SLC19A2: variants seen among roughly 807,000 people sequenced by gnomAD.
SLC19A2 encodes the protein thiamine transporter 1.
Under a neutral mutation model 44.7 loss-of-function variants are expected in SLC19A2, and 27 were observed. That is an observed-to-expected ratio of 0.60 (90% CI 0.45 to 0.83). The LOEUF (loss-of-function observed/expected upper bound fraction) is 0.83. Ranked by LOEUF, SLC19A2 falls within the 40% of genes least tolerant of loss-of-function variation. SLC19A2 has a pLI of 0.00. For missense variants in SLC19A2, 566 were observed against 613.7 expected (o/e 0.92, Z 0.82); for synonymous variants, 239 against 243.6 (o/e 0.98, Z 0.18).
chr1:169,477,675 C>G lies in SLC19A2; in HGVS notation c.287G>C (p.Arg96Pro), dbSNP rs558617037. Residue 96 changes from arginine to proline, a missense_variant, in exon 2 of 6, where the codon CGT (arginine) becomes CCT (proline). Coordinates refer to ENST00000236137, the MANE Select transcript of SLC19A2 (RefSeq NM_006996.3). The part of the protein sequence containing the change: ...FPVFLATDYL[R>P]YKPVVLLQGL... ...CTGCAGTAGAACAACAGGTTTATAA[C>G]GGAGGTAGTCTGTGGCAAGGAACAC... 4 of 1,613,216 alleles carry G rather than the reference C, an allele frequency of 2.5e-6. No individual in the cohort carries two copies. The highest frequency in any genetic ancestry group is 1.6e-4 in the Middle Eastern group (1 of 6,062).
At chr1:169,472,967 G>T (rs1456729042) in intron 2 of SLC19A2, among the ~76,000 whole-genome samples, 1 of 152,168 alleles carries the variant, frequency 6.6e-6, no homozygotes, top group Non-Finnish European at 1.5e-5. Flanking sequence ...CCTTCACTGT[G>T]TTCCATGGAG....
intron 2 of SLC19A2, 30 bp from the exon 3 acceptor site, chr1:169,470,216 C>T (rs751680545): frequency 1.1e-5 from 18 of 1,590,290 alleles, no homozygotes; most frequent in Middle Eastern, 3.3e-4. Flanking sequence ...AATGCTCAAA[C>T]TCTGATGAAG....
At chr1:169,469,205 C>T in intron 3 of SLC19A2, 1 of 253,948 alleles carries the variant, frequency 3.9e-6, no homozygotes, top group Non-Finnish European at 7.6e-6. Context: ...AACCAAGGAG[C>T]AGTCTAGAAC....
At position 169,475,029 on chromosome 1, in the gene SLC19A2, T is replaced by G. The variant is rs1169715371; in HGVS notation, c.807+2126A>C. On this transcript the variant is annotated intron_variant, in intron 2 of 5. Transcript: ENST00000236137. ...ATTTGTACAATTCTGCATAAGTTGCTAATCTCTGATCCTAATCCTTATCTC... is the reference window on the plus strand; with the variant it reads ...ATTTGTACAATTCTGCATAAGTTGCGAATCTCTGATCCTAATCCTTATCTC... Among the ~76,000 whole-genome samples, 3 of 152,170 alleles carry G rather than the reference T, an allele frequency of 2.0e-5. No individual in the cohort carries two copies. The East Asian group carries it at 5.8e-4, about 29-fold the overall frequency.
At chr1:169,482,372 T>G (rs1658461865) in intron 1 of SLC19A2, among the ~76,000 whole-genome samples, 1 of 152,110 alleles carries the variant, frequency 6.6e-6, no homozygotes, top group African/African-American at 2.4e-5. Flanking sequence ...AAACCCCGAC[T>G]CTACTAAAAA....
chr1:169,483,791 C>A (rs1658493941), intron 1 of SLC19A2, among the ~76,000 whole-genome samples: 1 of 152,226 alleles, frequency 6.6e-6, no homozygotes, highest in Non-Finnish European at 1.5e-5. Context: ...GAAAGGCGCA[C>A]AAACTGTGCA....
intron 1 of SLC19A2, among the ~76,000 whole-genome samples, chr1:169,485,063 G>A (rs1196551547): frequency 1.3e-5 from 2 of 152,200 alleles, no homozygotes; most frequent in Non-Finnish European, 2.9e-5. Flanking sequence ...ACTTGATTAA[G>A]CCCACCCATT....
In SLC19A2 at chr1:169,470,033, C is replaced by T. The variant is rs140115461; in HGVS notation, c.961G>A (p.Glu321Lys). ...QVVNYTQGLWEKVMPSRYAAI... is the reference protein window; with the variant it reads ...QVVNYTQGLWKKVMPSRYAAI... The stretch of plus-strand genomic sequence containing the variant: ...GCATAGCGAGAAGGCATCACTTTCT[C>T]CCACAGGCCCTGTGTGTAGTTCACA... Residue 321 changes from glutamate (E) to lysine (K), a missense_variant, in exon 3 of 6, where the codon GAG becomes AAG. Coordinates refer to ENST00000236137, the MANE Select transcript of SLC19A2 (RefSeq NM_006996.3). The T allele has an allele frequency of 3.2e-5, 51 of 1,613,896 alleles. No homozygotes were observed. Among genetic ancestry groups the T allele is most frequent in the Non-Finnish European group, 4.2e-5 (49 of 1,179,948 alleles).
Position 169,464,817 on chromosome 1 carries a change from T to C in SLC19A2, c.*1032A>G, listed in dbSNP as rs1259272032. 3.9e-5 allele frequency: 6 copies of C among 152,704 alleles called. No individual in the cohort carries two copies. The South Asian group carries it at 6.2e-4, about 16-fold the overall frequency. The allele number at this position is 152,704 out of a possible 1,614,324, so 9.5% of individuals were successfully genotyped here. ...CCTAGTTCCTGTCCCATTGAAATAATTGAAAAGAGGCTCAGTTTATGAAAA... is the reference window on the plus strand; with the variant it reads ...CCTAGTTCCTGTCCCATTGAAATAACTGAAAAGAGGCTCAGTTTATGAAAA... On this transcript the variant is annotated 3_prime_UTR_variant, in exon 6 of 6. Coordinates refer to ENST00000236137, the MANE Select transcript of SLC19A2 (RefSeq NM_006996.3).
rs765261078 is a variant in SLC19A2, at chr1:169,477,311, AAAG to A, written c.648_650del (p.Phe217del). 3.7e-5 allele frequency: 59 copies of A among 1,614,186 alleles called. No individual in the cohort carries two copies. The highest frequency in any genetic ancestry group is 4.8e-5 in the Non-Finnish European group (57 of 1,180,030). On this transcript the variant is annotated inframe_deletion, in exon 2 of 6. Transcript: ENST00000236137. The stretch of plus-strand genomic sequence containing the variant: ...TCTGGCAGGTAGAAGGAATGTGGTG[AAAG>A]AAGAGGCTCTTCTGTGGCATAGGTA...
At chr1:169,478,341 T>C (rs1658374463) in intron 1 of SLC19A2, among the ~76,000 whole-genome samples, 1 of 151,754 alleles carries the variant, frequency 6.6e-6, no homozygotes, top group South Asian at 2.1e-4. Flanking sequence ...CAAACCCTTT[T>C]TTTTTTTTTG....
chr1:169,468,386 C>A, intron 4 of SLC19A2, 134 bp from the exon 5 acceptor site: 2 of 777,596 alleles, frequency 2.6e-6, no homozygotes, highest in Non-Finnish European at 4.0e-6. Context: ...CCTTTCCAAC[C>A]AAATGAAAAC....
In SLC19A2 at chr1:169,485,569, C is replaced by CTCGG; in HGVS notation, c.194_197dup (p.Glu66AspfsTer8). On this transcript the variant is annotated frameshift_variant, in exon 1 of 6. Coordinates refer to ENST00000236137, the MANE Select transcript of SLC19A2 (RefSeq NM_006996.3). LOFTEE classifies it high-confidence loss of function. ...CCGCGTCCGCCGCGCGTACCTCCCT[C>CTCGG]TCGGTCAGGTTCTTGTCCGGCCCCA... 1 of 1,585,546 alleles carries CTCGG rather than the reference C, an allele frequency of 6.3e-7. No individual in the cohort carries two copies. The highest frequency in any genetic ancestry group is 1.1e-5 in the South Asian group (1 of 87,018).
At position 169,470,027 on chromosome 1, in the gene SLC19A2, CT is replaced by C; in HGVS notation, c.966del (p.Val323Ter). ...VVNYTQGLWE[K>X]VMPSRYAAIY... is the part of the protein sequence containing the mutation. ...ATAGCAGCATAGCGAGAAGGCATCA[CT>C]TTCTCCCACAGGCCCTGTGTGTAGT... On this transcript the variant is annotated frameshift_variant, in exon 3 of 6. Coordinates refer to ENST00000236137, the MANE Select transcript of SLC19A2 (RefSeq NM_006996.3). LOFTEE classifies it high-confidence loss of function. 6.2e-7 allele frequency: 1 copy of C among 1,614,056 alleles called. No individual in the cohort carries two copies. The highest frequency in any genetic ancestry group is 8.5e-7 in the Non-Finnish European group (1 of 1,179,956).
At chr1:169,483,545 C>G (rs1658487970) in intron 1 of SLC19A2, among the ~76,000 whole-genome samples, 1 of 152,204 alleles carries the variant, frequency 6.6e-6, no homozygotes, top group Admixed American at 6.5e-5. Context: ...AAGAGAAGTA[C>G]ACTTATGTTT....
Position 169,479,771 on chromosome 1 carries a change from C to A in SLC19A2, c.205-2014G>T, listed in dbSNP as rs570681954. ...GGTAGTTTTGGTAAAAGGCTGAATA[C>A]TTTGTGATGAAGCAACCTAATCCCA... On this transcript the variant is annotated intron_variant, in intron 1 of 5. Coordinates refer to ENST00000236137, the MANE Select transcript of SLC19A2 (RefSeq NM_006996.3). Among the ~76,000 whole-genome samples, 6 of 152,294 alleles carry A rather than the reference C, an allele frequency of 3.9e-5. No homozygotes were observed. The South Asian group carries it at 1.2e-3, about 32-fold the overall frequency.
intron 5 of SLC19A2, among the ~76,000 whole-genome samples, chr1:169,467,551 G>A (rs1658065714): frequency 6.6e-6 from 1 of 152,136 alleles, no homozygotes; most frequent in Non-Finnish European, 1.5e-5. Flanking sequence ...AACTCACAAT[G>A]CATGAAGGCA....
At position 169,470,206 on chromosome 1, in the gene SLC19A2, A is replaced by G. The variant is rs200308986; in HGVS notation, c.808-20T>C. ...GGGTTCCTACATAGCAAAAGGGAAC[A>G]ATGCTCAAACTCTGATGAAGGCAAT... On this transcript the variant is annotated intron_variant, in intron 2 of 5. Transcript: ENST00000236137. 5.0e-6 allele frequency: 8 copies of G among 1,603,452 alleles called. No individual in the cohort carries two copies. The Admixed American group carries it at 1.0e-4, about 20-fold the overall frequency.
intron 4 of SLC19A2, 49 bp from the exon 5 acceptor site, chr1:169,468,301 C>T (rs777292888): frequency 6.9e-7 from 1 of 1,450,952 alleles, no homozygotes; most frequent in Admixed American, 1.8e-5. Flanking sequence ...TTCTGGAGTA[C>T]TTATAATATT....
Sources: allele counts gnomAD v4.1 joint callset (sites outside exome capture counted in the v4.1 genomes callset), GRCh38; gene constraint gnomAD v4.1.1; transcripts MANE v1.5; gene names NCBI Gene and HGNC (gene_info 2026-07-23, HGNC 2026-07-21).